JAZF1: variants seen among roughly 807,000 people sequenced by gnomAD.
JAZF1 encodes juxtaposed with another zinc finger protein 1.
JAZF1 carries 8 observed loss-of-function variants against 26.4 expected under a neutral mutation model. The observed-to-expected ratio is 0.30, with a 90% CI of 0.18 to 0.55. JAZF1 has a LOEUF of 0.55. Ranked by LOEUF, JAZF1 falls within the 20% of genes least tolerant of loss-of-function variation. The pLI, the probability that JAZF1 is intolerant of heterozygous loss-of-function variation, is 0.94. For synonymous variants in JAZF1, 126 were observed against 122.3 expected (o/e 1.03, Z -0.20); for missense variants, 199 against 322.0 (o/e 0.62, Z 2.92).
At chr7:27,956,191 T>C (rs145643337) in intron 2 of JAZF1, among the ~76,000 whole-genome samples, 1,623 of 152,220 alleles carry the variant, frequency 0.011, 13 homozygotes, top group Non-Finnish European at 0.017. Context: ...CCGAGATCTG[T>C]CATGAAGCAC....
chr7:28,071,266 T>A (rs543770404), intron 1 of JAZF1, among the ~76,000 whole-genome samples: 1 of 152,184 alleles, frequency 6.6e-6, no homozygotes, highest in Admixed American at 6.5e-5. Context: ...CCTGCGTTCA[T>A]AACGTTATGA....
intron 2 of JAZF1, among the ~76,000 whole-genome samples, chr7:27,913,939 G>C (rs1295879105): frequency 2.0e-5 from 3 of 151,568 alleles, no homozygotes; most frequent in Admixed American, 1.3e-4. Flanking sequence ...TCTGTAAATG[G>C]GGGTTTCATT....
intron 1 of JAZF1, among the ~76,000 whole-genome samples, chr7:28,139,151 T>A (rs896117556): frequency 2.8e-4 from 42 of 152,290 alleles, no homozygotes; most frequent in African/African-American, 9.9e-4. Flanking sequence ...TGATTTTGTA[T>A]CCTCCTGTCA....
At chr7:28,102,758 TA>T (rs1224074460) in intron 1 of JAZF1, among the ~76,000 whole-genome samples, 1 of 152,224 alleles carries the variant, frequency 6.6e-6, no homozygotes, top group Non-Finnish European at 1.5e-5. Flanking sequence ...ATACACTCCA[TA>T]GTTATATAAA....
intron 2 of JAZF1, among the ~76,000 whole-genome samples, chr7:27,952,012 T>C (rs190619913): frequency 3.7e-4 from 57 of 152,260 alleles, no homozygotes; most frequent in African/African-American, 1.3e-3. Flanking sequence ...TCCTTGCATA[T>C]ACCTGTAGGA....
At chr7:27,980,010 G>T (rs148386695) in intron 2 of JAZF1, among the ~76,000 whole-genome samples, 1 of 152,150 alleles carries the variant, frequency 6.6e-6, no homozygotes, top group African/African-American at 2.4e-5. Flanking sequence ...CTAGGACATG[G>T]CAATTATTCT....
chr7:27,883,676 CTT>C (rs928647647), intron 3 of JAZF1, among the ~76,000 whole-genome samples: 6 of 152,200 alleles, frequency 3.9e-5, no homozygotes, highest in Admixed American at 1.3e-4. Context: ...AGGAAGCACT[CTT>C]TATCTCATGG....
chr7:28,160,477 A>G (rs894869221), intron 1 of JAZF1, among the ~76,000 whole-genome samples: 2 of 152,138 alleles, frequency 1.3e-5, no homozygotes, highest in African/African-American at 2.4e-5. Context: ...GGCCTGGCAC[A>G]CGGTAGGCGA....
intron 2 of JAZF1, among the ~76,000 whole-genome samples, chr7:27,920,058 C>T (rs1295042613): frequency 1.3e-5 from 2 of 152,136 alleles, no homozygotes; most frequent in Admixed American, 1.3e-4. Flanking sequence ...GAACCAAAAG[C>T]TCCTGGCCCT....
chr7:27,903,861 C>G (rs1051976266), intron 2 of JAZF1, among the ~76,000 whole-genome samples: 9 of 152,208 alleles, frequency 5.9e-5, no homozygotes, highest in Admixed American at 5.2e-4. Context: ...TCCAACTATG[C>G]TTCATTTGAA....
At chr7:28,117,634 A>G (rs998096883) in intron 1 of JAZF1, among the ~76,000 whole-genome samples, 1 of 152,212 alleles carries the variant, frequency 6.6e-6, no homozygotes, top group Non-Finnish European at 1.5e-5. Flanking sequence ...ACAATTTTAA[A>G]TACTATTCTA....
At position 28,174,790 on chromosome 7, in the gene JAZF1, G is replaced by A. The variant is rs1205332493; in HGVS notation, c.115+5673C>T. Among the ~76,000 whole-genome samples the A allele has an allele frequency of 5.2e-5, 6 of 116,010 alleles. 2 individuals are homozygous for A. Among genetic ancestry groups the A allele is most frequent in the Non-Finnish European group, 1.1e-4 (5 of 46,938 alleles). 76.1% of individuals were successfully genotyped at this position (116,010 alleles called of 152,430 possible). On this transcript the variant is annotated intron_variant, in intron 1 of 4. Coordinates refer to ENST00000283928, the MANE Select transcript of JAZF1 (RefSeq NM_175061.4). ...AGACTGCCGTAAAGTTTCAGATTTCGGGTTCCCTGATCCTGCCTATGGGGT... is the reference window on the plus strand; with the variant it reads ...AGACTGCCGTAAAGTTTCAGATTTCAGGTTCCCTGATCCTGCCTATGGGGT...
intron 1 of JAZF1, among the ~76,000 whole-genome samples, chr7:28,133,408 C>T (rs1782830712): frequency 6.6e-6 from 1 of 152,154 alleles, no homozygotes; most frequent in African/African-American, 2.4e-5. Flanking sequence ...CTATCAGCTG[C>T]TTAGATAAAG....
At chr7:28,113,314 C>T (rs1316530425) in intron 1 of JAZF1, among the ~76,000 whole-genome samples, 2 of 152,162 alleles carry the variant, frequency 1.3e-5, no homozygotes. Context: ...TAACTAATGG[C>T]AAAGCCAGTT....
rs1277725508 is a variant in JAZF1 at position 28,180,675 on chromosome 7, G to C, written c.-98C>G. ...GTGGGGTGAGGAGAGGAGGGGCTGG[G>C]GGAGGGGGAGAGAGGCGGGGTGAGG... On this transcript the variant is annotated 5_prime_UTR_variant, in exon 1 of 5. Transcript: ENST00000283928. The C allele has an allele frequency of 4.2e-6, 3 of 710,916 alleles. No individual in the cohort carries two copies. Among genetic ancestry groups the C allele is most frequent in the Non-Finnish European group, 7.1e-6 (3 of 423,138 alleles). 44.0% of individuals were successfully genotyped at this position (710,916 alleles called of 1,614,324 possible).
chr7:27,987,531 C>A (rs1279071254), intron 2 of JAZF1, among the ~76,000 whole-genome samples: 1 of 151,708 alleles, frequency 6.6e-6, no homozygotes, highest in Non-Finnish European at 1.5e-5. Flanking sequence ...TCGGGGGCAG[C>A]CCCTGCCCGG....
At chr7:27,914,125 T>C (rs1188868311) in intron 2 of JAZF1, among the ~76,000 whole-genome samples, 2 of 152,126 alleles carry the variant, frequency 1.3e-5, no homozygotes, top group African/African-American at 2.4e-5. Flanking sequence ...CCGCCTGCTA[T>C]CTGTTTGCTA....
chr7:27,845,926 G>A (rs1014780037), intron 3 of JAZF1, among the ~76,000 whole-genome samples: 4 of 151,518 alleles, frequency 2.6e-5, no homozygotes, highest in South Asian at 4.2e-4. Flanking sequence ...GCCCTAAATC[G>A]CAGGATGCTT....
In JAZF1 at chr7:27,908,572, A is replaced by G. The variant is rs570198865; in HGVS notation, c.189-13156T>C. ...GACTAAGGTTCTGCACTAGGCCCCA[A>G]CTGAGCAGACCAAACCAGAATGGAG... On this transcript the variant is annotated intron_variant, in intron 2 of 4. Transcript: ENST00000283928. Among the ~76,000 whole-genome samples the G allele has an allele frequency of 1.1e-4, 16 of 152,298 alleles. 1 individual carries two copies. The South Asian group carries it at 3.1e-3, about 30-fold the overall frequency.
Sources: allele counts gnomAD v4.1 joint callset (sites outside exome capture counted in the v4.1 genomes callset), GRCh38; gene constraint gnomAD v4.1.1; transcripts MANE v1.5; gene names NCBI Gene and HGNC (gene_info 2026-07-23, HGNC 2026-07-21).